Variants in NETO2 observed in about 807,000 individuals in gnomAD.
The protein encoded by NETO2 is neuropilin and tolloid-like protein 2.
NETO2 carries 28 observed loss-of-function variants against 62.5 expected under a neutral mutation model. That is an observed-to-expected ratio of 0.45 (90% confidence interval 0.33 to 0.61). The LOEUF is 0.61. NETO2 is among the 20% of genes least tolerant of loss of function. The probability of loss-of-function intolerance (pLI) is 0.02; values close to 1 mark genes in which losing one functional copy is unlikely to be tolerated. For synonymous variants in NETO2, 214 were observed against 219.1 expected (o/e 0.98, Z 0.21); for missense variants, 548 against 643.2 (o/e 0.85, Z 1.60).
intron 7 of NETO2, among the ~76,000 whole-genome samples, chr16:47,087,288 C>T (rs554739088): frequency 5.9e-5 from 9 of 152,162 alleles, no homozygotes; most frequent in South Asian, 2.1e-4. Context: ...CCTCCCAAAG[C>T]GCTGGGATTA....
chr16:47,096,271 C>T (rs1963425947), intron 7 of NETO2, among the ~76,000 whole-genome samples: 1 of 152,164 alleles, frequency 6.6e-6, no homozygotes, highest in East Asian at 1.9e-4. Flanking sequence ...AGAAGACAAA[C>T]TAAATCCAAA....
chr16:47,119,432 T>C (rs1250447475), intron 6 of NETO2, among the ~76,000 whole-genome samples: 1 of 152,178 alleles, frequency 6.6e-6, no homozygotes, highest in East Asian at 1.9e-4. Flanking sequence ...ATTACAGGCG[T>C]GAACCACTGC....
rs552759377 is a variant in NETO2, at chr16:47,139,355, T to G, written c.34+4224A>C. ...TCAGGGGATGGGAAAAGAACTGAGA[T>G]TCCCCCCCACCCTCCTGAGATACCC... On this transcript the variant is annotated intron_variant, in intron 1 of 8. Transcript: ENST00000562435. Among the ~76,000 whole-genome samples the G allele has an allele frequency of 1.6e-4, 25 of 152,258 alleles. 1 individual carries two copies. The Middle Eastern group carries it at 0.01, about 62-fold the overall frequency.
intron 1 of NETO2, among the ~76,000 whole-genome samples, chr16:47,134,355 G>A (rs2151493293): frequency 6.6e-6 from 1 of 152,144 alleles, no homozygotes; most frequent in African/African-American, 2.4e-5. Context: ...TGATGGTAGT[G>A]TTGAAGATCT....
Position 47,083,430 on chromosome 16 carries a change from T to C in NETO2, c.1369A>G (p.Met457Val), listed in dbSNP as rs771489428. ...VKQSRTNLSS[M>V]ELPFRNDFAQ... Reference sequence around the variant, plus strand: ...AAGTCATTTCGGAAAGGAAGTTCCATGGAACTGAGGTTGGTCCTGCTTTGT... The same window carrying C: ...AAGTCATTTCGGAAAGGAAGTTCCACGGAACTGAGGTTGGTCCTGCTTTGT... The change falls in exon 9 of 9, where the codon ATG (methionine) becomes GTG (valine). Residue 457 changes from methionine to valine, a missense_variant. By Grantham distance (21) the Met-to-Val change is conservative. Coordinates refer to ENST00000562435, the MANE Select transcript of NETO2 (RefSeq NM_018092.5). 2.5e-6 allele frequency: 4 copies of C among 1,614,236 alleles called. No homozygotes were observed. In the South Asian group the frequency reaches 3.3e-5, roughly 13 times the overall value.
chr16:47,143,712 C>T lies in NETO2; in HGVS notation c.-100G>A, dbSNP rs1463879054. 5 of 1,198,844 alleles carry T rather than the reference C, an allele frequency of 4.2e-6. No homozygotes were observed. The African/African-American group carries it at 7.9e-5, about 19-fold the overall frequency. 74.3% of individuals were successfully genotyped at this position (1,198,844 alleles called of 1,614,324 possible). ...GGCGGCGACGGCCCCACTCCGTCCC[C>T]ATCGCCGGCCAGCAGCTGCCTCCCC... On this transcript the variant is annotated 5_prime_UTR_variant, in exon 1 of 9. It removes an upstream start codon present in the reference 5' UTR. Coordinates refer to ENST00000562435, the MANE Select transcript of NETO2 (RefSeq NM_018092.5).
At chr16:47,106,848 C>T (rs933677964) in intron 7 of NETO2, among the ~76,000 whole-genome samples, 1 of 150,946 alleles carries the variant, frequency 6.6e-6, no homozygotes, top group Non-Finnish European at 1.5e-5. Flanking sequence ...GTGGCCTGAT[C>T]TCAGATCACT....
intron 7 of NETO2, among the ~76,000 whole-genome samples, chr16:47,095,560 T>C (rs1963410752): frequency 1.3e-5 from 2 of 152,056 alleles, no homozygotes; most frequent in Non-Finnish European, 2.9e-5. Flanking sequence ...TAGTCTTGGA[T>C]AAAAAAGGAC....
chr16:47,133,081 T>A (rs1964299414), intron 1 of NETO2, among the ~76,000 whole-genome samples: 1 of 152,186 alleles, frequency 6.6e-6, no homozygotes, highest in Non-Finnish European at 1.5e-5. Context: ...CCACAAGGAA[T>A]CAATGTATTG....
chr16:47,115,732 C>CACATATATATATATATAT lies in NETO2; in HGVS notation c.655-6022_655-6021insATATATATATATATATGT, dbSNP rs1555498143. 8.9e-3 allele frequency among the ~76,000 whole-genome samples: 1,198 copies of CACATATATATATATATAT among 134,296 alleles called. 6 individuals are homozygous for CACATATATATATATATAT. Among genetic ancestry groups the CACATATATATATATATAT allele is most frequent in the Non-Finnish European group, 0.014 (926 of 65,342 alleles). The allele number at this position is 134,296 out of a possible 152,430, so 88.1% of individuals were successfully genotyped here. A position where few individuals can be genotyped will look rare whatever the true frequency, so the allele number is the denominator to read the frequency against. ...ATATATACATATATATATATATATACATGTATATATATATATTTTGTAGGG... is the reference window on the plus strand; with the variant it reads ...ATATATACATATATATATATATATACACATATATATATATATATATGTATATATATATATTTTGTAGGG... On this transcript the variant is annotated intron_variant, in intron 6 of 8. Transcript: ENST00000562435.
At chr16:47,113,082 T>C (rs2143915987) in intron 6 of NETO2, among the ~76,000 whole-genome samples, 1 of 152,340 alleles carries the variant, frequency 6.6e-6, no homozygotes, top group South Asian at 2.1e-4. Flanking sequence ...TGCACAGGTA[T>C]GACGATTTCA....
At chr16:47,102,380 C>T (rs1963569102) in intron 7 of NETO2, among the ~76,000 whole-genome samples, 1 of 152,030 alleles carries the variant, frequency 6.6e-6, no homozygotes, top group South Asian at 2.1e-4. Context: ...TAGGCATGGG[C>T]AAAGACTTCA....
chr16:47,143,623 T>G lies in NETO2; in HGVS notation c.-11A>C. 1 of 1,221,416 alleles carries G rather than the reference T, an allele frequency of 8.2e-7. No homozygotes were observed. The highest frequency in any genetic ancestry group is 4.1e-5 in the South Asian group (1 of 24,246). The allele number at this position is 1,221,416 out of a possible 1,614,324, so 75.7% of individuals were successfully genotyped here. On this transcript the variant is annotated 5_prime_UTR_variant, in exon 1 of 9. Transcript: ENST00000562435. The stretch of plus-strand genomic sequence containing the variant: ...CCGCTCCAGGGCCATGTTCCCGAGC[T>G]GCCCGGCGCTTCGCGAAGGGCTGAG...
intron 4 of NETO2, among the ~76,000 whole-genome samples, chr16:47,126,053 T>C (rs1006852624): frequency 6.6e-6 from 1 of 152,206 alleles, no homozygotes; most frequent in African/African-American, 2.4e-5. Flanking sequence ...GTTACTACTT[T>C]AAATACCTTA....
chr16:47,131,074 GAAAAA>G (rs759384259), intron 2 of NETO2, among the ~76,000 whole-genome samples: 2 of 114,644 alleles, frequency 1.7e-5, no homozygotes, highest in Non-Finnish European at 3.8e-5. Context: ...AATTAAAACA[GAAAAA>G]AAAAAAAAAG....
chr16:47,138,200 G>C (rs1464589839), intron 1 of NETO2, among the ~76,000 whole-genome samples: 1 of 152,184 alleles, frequency 6.6e-6, no homozygotes, highest in Non-Finnish European at 1.5e-5. Context: ...AGAAGTTCAA[G>C]ACCAGCCTGA....
rs1405691307 is a variant in NETO2 at position 47,083,206 on chromosome 16, A to G, written c.*15T>C. Reference sequence around the variant, plus strand: ...CGTACACACCCTAAGAATTCACATCACCATTAGCAGAAGATTAGAAGTCAA... The same window carrying G: ...CGTACACACCCTAAGAATTCACATCGCCATTAGCAGAAGATTAGAAGTCAA... On this transcript the variant is annotated 3_prime_UTR_variant, in exon 9 of 9. Coordinates refer to ENST00000562435, the MANE Select transcript of NETO2 (RefSeq NM_018092.5). The G allele has an allele frequency of 6.3e-7, 1 of 1,588,892 alleles. No individual in the cohort carries two copies. Among genetic ancestry groups the G allele is most frequent in the South Asian group, 1.2e-5 (1 of 86,218 alleles).
chr16:47,129,237 G>C lies in NETO2; in HGVS notation c.219C>G (p.Ile73Met), dbSNP rs767624769. 6.2e-6 allele frequency: 10 copies of C among 1,613,768 alleles called. No homozygotes were observed. The highest frequency in any genetic ancestry group is 8.5e-6 in the Non-Finnish European group (10 of 1,179,884). The change falls in exon 3 of 9, where the codon ATC becomes ATG. Residue 73 changes from isoleucine (I) to methionine (M), a missense_variant. Transcript: ENST00000562435. Reference sequence around the variant, plus strand: ...TCGTTCAAATACCTTCCAAAATGTAGATACACTCCTTGTTTGGTGGATATG... The same window carrying C: ...TCGTTCAAATACCTTCCAAAATGTACATACACTCCTTGTTTGGTGGATATG... ...PDSYPPNKEC[I>M]YILEAAPRQR...
chr16:47,131,285 T>C (rs529049120), intron 2 of NETO2, among the ~76,000 whole-genome samples: 1 of 152,212 alleles, frequency 6.6e-6, no homozygotes, highest in African/African-American at 2.4e-5. Context: ...AAAATCATTA[T>C]CTAATTTATA....
Sources: allele counts gnomAD v4.1 joint callset (sites outside exome capture counted in the v4.1 genomes callset), GRCh38; gene constraint gnomAD v4.1.1; transcripts MANE v1.5; gene names NCBI Gene and HGNC (gene_info 2026-07-23, HGNC 2026-07-21).